Variants in XPR1 observed in about 807,000 individuals in gnomAD.
XPR1 encodes the protein xenotropic and polytropic retrovirus receptor 1, also known as solute carrier family 53 member 1.
Under a neutral mutation model 87.5 loss-of-function variants are expected in XPR1, and 28 were observed. That is an observed-to-expected ratio of 0.32 (90% confidence interval 0.24 to 0.44). XPR1 has a LOEUF of 0.44. XPR1 is among the 20% of genes least tolerant of loss of function. The pLI, the probability that XPR1 is intolerant of heterozygous loss-of-function variation, is 1.00. For synonymous variants in XPR1, 300 were observed against 306.1 expected, an observed-to-expected ratio of 0.98 and a Z score of 0.21; for missense variants, 559 against 862.3, an observed-to-expected ratio of 0.65 and a Z score of 4.41.
At chr1:180,819,059 C>T (rs2102142992) in intron 7 of XPR1, among the ~76,000 whole-genome samples, 1 of 152,274 alleles carries the variant, frequency 6.6e-6, no homozygotes, top group East Asian at 1.9e-4. Context: ...AGGCGATCCT[C>T]CTGCCTCAGA....
chr1:180,804,656 C>G (rs1649925059), intron 4 of XPR1, among the ~76,000 whole-genome samples: 1 of 152,076 alleles, frequency 6.6e-6, no homozygotes, highest in Non-Finnish European at 1.5e-5. Flanking sequence ...AGTCCCATAT[C>G]TGCAGTAATC....
chr1:180,836,321 C>T (rs564860522), intron 10 of XPR1, among the ~76,000 whole-genome samples: 1 of 151,358 alleles, frequency 6.6e-6, no homozygotes, highest in African/African-American at 2.4e-5. Context: ...TGTGCCACTG[C>T]ACTCCAGCCT....
chr1:180,655,390 C>T (rs1244818251), intron 1 of XPR1, among the ~76,000 whole-genome samples: 1 of 139,846 alleles, frequency 7.2e-6, no homozygotes, highest in African/African-American at 2.8e-5. Context: ...TTGATAGTCT[C>T]TCTCTCTCTC....
At chr1:180,756,938 C>CA (rs1244226705) in intron 2 of XPR1, among the ~76,000 whole-genome samples, 2 of 152,188 alleles carry the variant, frequency 1.3e-5, no homozygotes, top group South Asian at 2.1e-4. Flanking sequence ...ATTATCTTGT[C>CA]ACCTTTGTTG....
At chr1:180,838,595 A>G (rs1651389407) in intron 11 of XPR1, among the ~76,000 whole-genome samples, 1 of 152,170 alleles carries the variant, frequency 6.6e-6, no homozygotes, top group Non-Finnish European at 1.5e-5. Flanking sequence ...AGAATTTTAT[A>G]AACCGTATTA....
intron 2 of XPR1, among the ~76,000 whole-genome samples, chr1:180,743,244 A>AT (rs915839230): frequency 1.3e-4 from 19 of 142,866 alleles, no homozygotes; most frequent in African/African-American, 3.7e-4. Context: ...GTATTTTAAT[A>AT]TTTTTTGTAT....
intron 11 of XPR1, among the ~76,000 whole-genome samples, chr1:180,863,037 G>T (rs1652271368): frequency 6.6e-6 from 1 of 152,052 alleles, no homozygotes; most frequent in African/African-American, 2.4e-5. Context: ...TCAGCATAAA[G>T]CCAAAGGTTA....
chr1:180,648,597 C>T (rs1258503914), intron 1 of XPR1, among the ~76,000 whole-genome samples: 1 of 152,190 alleles, frequency 6.6e-6, no homozygotes, highest in African/African-American at 2.4e-5. Flanking sequence ...ACCTCCACCT[C>T]CTGGGTTCAA....
intron 1 of XPR1, among the ~76,000 whole-genome samples, chr1:180,670,090 A>G (rs962057680): frequency 1.6e-4 from 25 of 152,052 alleles, no homozygotes; most frequent in Non-Finnish European, 3.4e-4. Context: ...CAAAGTATCT[A>G]TTTCCATCCT....
intron 11 of XPR1, among the ~76,000 whole-genome samples, chr1:180,861,035 A>T (rs1239753052): frequency 6.6e-6 from 1 of 152,110 alleles, no homozygotes; most frequent in Non-Finnish European, 1.5e-5. Context: ...TTTCTTCAGT[A>T]ATTAGTAAAG....
chr1:180,655,553 T>TTC (rs1396109964), intron 1 of XPR1, among the ~76,000 whole-genome samples: 2 of 151,962 alleles, frequency 1.3e-5, no homozygotes, highest in African/African-American at 4.8e-5. Context: ...GTCGTGCACC[T>TTC]TCATACCTGG....
chr1:180,836,528 G>C lies in XPR1; in HGVS notation c.1313G>C (p.Gly438Ala), dbSNP rs755341325. The change falls in exon 11 of 15, where the codon GGA becomes GCA. Residue 438 changes from glycine (G) to alanine (A), a missense_variant. Physicochemically the swap from Gly to Ala is moderately conservative, Grantham distance 60. Coordinates refer to ENST00000367590, the MANE Select transcript of XPR1 (RefSeq NM_004736.4). ...TTCTTTGAAATCTTCACAGAATCAG[G>C]AATTTGCCACAAATATACATATGGT... The part of the protein sequence containing the change: ...GLLPNNSEES[G>A]ICHKYTYGVR... 1.2e-6 allele frequency: 2 copies of C among 1,613,742 alleles called. No individual in the cohort carries two copies. Among genetic ancestry groups the C allele is most frequent in the South Asian group, 2.2e-5 (2 of 90,986 alleles).
chr1:180,711,047 C>T (rs1374645937), intron 2 of XPR1, among the ~76,000 whole-genome samples: 2 of 150,210 alleles, frequency 1.3e-5, no homozygotes, highest in Non-Finnish European at 3.0e-5. Context: ...CTCCTCACTT[C>T]TCAGACGGGG....
chr1:180,827,153 CAAAAA>C (rs11324246), intron 9 of XPR1, among the ~76,000 whole-genome samples: 1 of 66,894 alleles, frequency 1.5e-5, no homozygotes, highest in Non-Finnish European at 2.8e-5. Context: ...GACTCCTTCT[CAAAAA>C]AAAAAAAAAA....
chr1:180,829,890 T>C (rs1650995282), intron 9 of XPR1, among the ~76,000 whole-genome samples: 1 of 152,140 alleles, frequency 6.6e-6, no homozygotes, highest in Non-Finnish European at 1.5e-5. Flanking sequence ...CTTTTTTCCT[T>C]ATTTAATGCA....
chr1:180,736,776 G>T (rs1054702911), intron 2 of XPR1, among the ~76,000 whole-genome samples: 1 of 152,158 alleles, frequency 6.6e-6, no homozygotes, highest in Non-Finnish European at 1.5e-5. Flanking sequence ...TGGGGTTGGG[G>T]TGAGGAGTGG....
chr1:180,820,226 C>T (rs1415130508), intron 7 of XPR1, among the ~76,000 whole-genome samples: 2 of 151,844 alleles, frequency 1.3e-5, no homozygotes, highest in Admixed American at 6.6e-5. Context: ...GTACAACCAC[C>T]ACGTCTATCT....
intron 1 of XPR1, among the ~76,000 whole-genome samples, chr1:180,642,096 A>G (rs1225295072): frequency 2.0e-5 from 3 of 152,218 alleles, no homozygotes; most frequent in Non-Finnish European, 4.4e-5. Context: ...CCCAACAACA[A>G]GAAAGTTCGG....
At chr1:180,876,694 A>G (rs1185760898) in intron 13 of XPR1, among the ~76,000 whole-genome samples, 2 of 152,200 alleles carry the variant, frequency 1.3e-5, no homozygotes, top group African/African-American at 4.8e-5. Flanking sequence ...AGGGGGAAAA[A>G]GAACCTCTAT....
Sources: gnomAD v4.1 joint callset for allele counts (sites outside exome capture counted in the v4.1 genomes callset) on GRCh38, gnomAD v4.1.1 for gene constraint, MANE v1.5 for transcripts, NCBI Gene and HGNC (gene_info 2026-07-23, HGNC 2026-07-21) for gene names.